The following KRT6A variants were observed in gnomAD, a reference collection of about 807,000 sequenced individuals.
KRT6A encodes the protein keratin 6A.
KRT6A carries 28 observed loss-of-function variants against 48.6 expected under a neutral mutation model. That is an observed-to-expected ratio of 0.58 (90% CI 0.43 to 0.79). The LOEUF (loss-of-function observed/expected upper bound fraction) is 0.79, where lower values mean the gene tolerates loss of function less well. KRT6A is among the 30% of genes least tolerant of loss of function. The pLI is 0.00. For missense variants in KRT6A, 687 were observed against 724.3 expected, an observed-to-expected ratio of 0.95 and a Z score of 0.59; for synonymous variants, 301 against 294.2, an observed-to-expected ratio of 1.02 and a Z score of -0.24.
rs368555326 is a variant in KRT6A, at chr12:52,491,698, T to C, written c.579A>G (p.Thr193=). 1.5e-5 allele frequency: 25 copies of C among 1,613,946 alleles called. No individual in the cohort carries two copies. The highest frequency in any genetic ancestry group is 5.0e-5 in the Admixed American group (3 of 59,916). ...CCTGCTCCTGCAGCAGGGTCCACTT[T>C]GTTTCCAGAACCTTGTTCTGCTGCT... ...FLEQQNKVLE[T]KWTLLQEQGT... The change falls in exon 2 of 9, where the codon ACA becomes ACG. Residue 193 remains threonine, a synonymous_variant. Coordinates refer to ENST00000330722, the MANE Select transcript of KRT6A (RefSeq NM_005554.4).
Position 52,493,101 on chromosome 12 carries a change from G to C in KRT6A, c.88C>G (p.Arg30Gly). 6.2e-7 allele frequency: 1 copy of C among 1,613,950 alleles called. No individual in the cohort carries two copies. The highest frequency in any genetic ancestry group is 8.5e-7 in the Non-Finnish European group (1 of 1,180,046). ...ANSARLPGVS[R>G]SGFSSVSVSR... ...ACGGAGACGCTGCTGAAGCCAGAGC[G>C]GCTGACCCCAGGGAGCCTGGCTGAG... The change falls in exon 1 of 9, where the codon CGC (arginine) becomes GGC (glycine). Residue 30 changes from arginine to glycine, a missense_variant. Arg to Gly is a moderately radical substitution (Grantham distance 125, BLOSUM62 -2). Transcript: ENST00000330722.
chr12:52,488,769 G>A (rs1294922005), intron 6 of KRT6A, among the ~76,000 whole-genome samples: 2 of 152,120 alleles, frequency 1.3e-5, no homozygotes, highest in Non-Finnish European at 2.9e-5. Context: ...CTCTGTGGGA[G>A]AATGTGGATA....
rs1020303730 is a variant in KRT6A at position 52,490,452 on chromosome 12, A to G, written c.1077+117T>C. The stretch of plus-strand genomic sequence containing the variant: ...TGTCTACTCTAATAGTGCAGAGTGC[A>G]TGTCCTGTGAGAGGACCCCAGCTTC... On this transcript the variant is annotated intron_variant, in intron 5 of 8. Transcript: ENST00000330722. 13 of 1,503,162 alleles carry G rather than the reference A, an allele frequency of 8.6e-6. No homozygotes were observed. In the African/African-American group the frequency reaches 1.5e-4, roughly 18 times the overall value. The allele number at this position is 1,503,162 out of a possible 1,614,324, so 93.1% of individuals were successfully genotyped here.
rs1938254149 is a variant in KRT6A at position 52,491,110 on chromosome 12, A to G, written c.816+2T>C. 8 of 1,613,842 alleles carry G rather than the reference A, an allele frequency of 5.0e-6. No homozygotes were observed. The highest frequency in any genetic ancestry group is 6.8e-6 in the Non-Finnish European group (8 of 1,179,828). ...TTTGAACCCCCGGCTTCATCTGCTC[A>G]CCTTCTTCAGAGTCACAAATTCATT... On this transcript the variant is annotated splice_donor_variant, in intron 3 of 8. Transcript: ENST00000330722. LOFTEE classifies it high-confidence loss of function.
Position 52,487,599 on chromosome 12 carries a change from C to A in KRT6A, c.*121G>T. ...AGTGAGGGCACTAAGCATCCATACC[C>A]AGCTCTACCTGGGACAGCAGGGGAG... On this transcript the variant is annotated 3_prime_UTR_variant, in exon 9 of 9. Transcript: ENST00000330722. The A allele has an allele frequency of 1.6e-6, 2 of 1,261,704 alleles. No homozygotes were observed. Among genetic ancestry groups the A allele is most frequent in the Non-Finnish European group, 2.3e-6 (2 of 885,226 alleles). The allele number at this position is 1,261,704 out of a possible 1,614,324, so 78.2% of individuals were successfully genotyped here.
rs557567818 is a variant in KRT6A at position 52,488,668 on chromosome 12, A to T, written c.1204-120T>A. 62 of 1,275,126 alleles carry T rather than the reference A, an allele frequency of 4.9e-5. No individual in the cohort carries two copies. In the South Asian group the frequency reaches 7.1e-4, roughly 15 times the overall value. 79.0% of individuals were successfully genotyped at this position (1,275,126 alleles called of 1,614,324 possible). ...CAGAATTGATGGTGAATGAGCTCTGACTCTTCCTATCTATTGTTTTTTTTT... is the reference window on the plus strand; with the variant it reads ...CAGAATTGATGGTGAATGAGCTCTGTCTCTTCCTATCTATTGTTTTTTTTT... On this transcript the variant is annotated intron_variant, in intron 6 of 8. Coordinates refer to ENST00000330722, the MANE Select transcript of KRT6A (RefSeq NM_005554.4).
At chr12:52,489,920 T>C in intron 6 of KRT6A, 23 bp downstream of exon 6, 1 of 1,614,136 alleles carries the variant, frequency 6.2e-7, no homozygotes, top group Non-Finnish European at 8.5e-7. Flanking sequence ...AATGCTTCTC[T>C]CCTCCATTGT....
At chr12:52,489,838 C>A in intron 6 of KRT6A, 105 bp downstream of exon 6, 2 of 1,584,740 alleles carry the variant, frequency 1.3e-6, no homozygotes, top group South Asian at 2.3e-5. Flanking sequence ...GCCTCCTCTC[C>A]CTGGTTTTGA....
In KRT6A at chr12:52,490,518, T is replaced by G. The variant is rs778619889; in HGVS notation, c.1077+51A>C. 3 of 1,614,060 alleles carry G rather than the reference T, an allele frequency of 1.9e-6. No homozygotes were observed. The African/African-American group carries it at 4.0e-5, about 22-fold the overall frequency. Reference sequence around the variant, plus strand: ...CCCAGTAAAGTCTGCAGTCCTCTGGTATTCAGGGATGGCACAGGGATTCCT... The same window carrying G: ...CCCAGTAAAGTCTGCAGTCCTCTGGGATTCAGGGATGGCACAGGGATTCCT... On this transcript the variant is annotated intron_variant, in intron 5 of 8. Transcript: ENST00000330722.
chr12:52,490,367 G>T (rs1392736508), intron 5 of KRT6A: 14 of 997,282 alleles, frequency 1.4e-5, no homozygotes, highest in African/African-American at 4.8e-5. Context: ...CTTGTCTATG[G>T]TAGCTTTCCT....
chr12:52,492,598 T>G, intron 1 of KRT6A, 51 bp downstream of exon 1: 2 of 1,613,796 alleles, frequency 1.2e-6, no homozygotes, highest in Non-Finnish European at 1.7e-6. Context: ...GTGTTGCTCC[T>G]CTGGTCTGGG....
rs368272363 is a variant in KRT6A at position 52,490,023 on chromosome 12, G to A, written c.1123C>T (p.Arg375Cys). Residue 375 changes from arginine (R) to cysteine (C), a missense_variant, in exon 6 of 9, where the codon CGC becomes TGC. Around this residue, in one of 3 missense-constraint regions of KRT6A, gnomAD observed 566 missense variants for 565.3 expected, o/e 1.00. Transcript: ENST00000330722. ...TCAGCAATCTCCTGCTTGGTGTTGC[G>A]CAGGTCGTCCCCATGTCTGCCTGCT... ...VTAGRHGDDLRNTKQEIAEIN... is the reference protein window; with the variant it reads ...VTAGRHGDDLCNTKQEIAEIN... 7.6e-5 allele frequency: 122 copies of A among 1,613,856 alleles called. No individual in the cohort carries two copies. The highest frequency in any genetic ancestry group is 1.6e-4 in the Middle Eastern group (1 of 6,082).
rs762500774 is a variant in KRT6A, at chr12:52,493,070, C to T, written c.119G>A (p.Arg40His). 70 of 1,613,176 alleles carry T rather than the reference C, an allele frequency of 4.3e-5. No individual in the cohort carries two copies. The highest frequency in any genetic ancestry group is 3.3e-4 in the South Asian group (30 of 91,034). Residue 40 changes from arginine to histidine, a missense_variant, in exon 1 of 9, where the codon CGC (arginine) becomes CAC (histidine). Physicochemically the swap from Arg to His is conservative, Grantham distance 29. Coordinates refer to ENST00000330722, the MANE Select transcript of KRT6A (RefSeq NM_005554.4). Reference protein sequence around the residue: ...RSGFSSVSVSRSRGSGGLGGA... With the variant: ...RSGFSSVSVSHSRGSGGLGGA... Reference sequence around the variant, plus strand: ...ACCCAGGCCACCACTGCCCCTGGAGCGGGACACGGAGACGCTGCTGAAGCC... The same window carrying T: ...ACCCAGGCCACCACTGCCCCTGGAGTGGGACACGGAGACGCTGCTGAAGCC...
rs1938168190 is a variant in KRT6A at position 52,487,636 on chromosome 12, G to A, written c.*84C>T. ...GGACAGCAGGGGAGACTGGAGGCCA[G>A]GAGAGGAAAGGCAACCTGAGGAGAG... is the stretch of plus-strand genomic sequence containing the variant. On this transcript the variant is annotated 3_prime_UTR_variant, in exon 9 of 9. Coordinates refer to ENST00000330722, the MANE Select transcript of KRT6A (RefSeq NM_005554.4). 4.4e-6 allele frequency: 7 copies of A among 1,576,266 alleles called. No individual in the cohort carries two copies. The highest frequency in any genetic ancestry group is 1.7e-5 in the Admixed American group (1 of 58,810).
chr12:52,491,749 C>T lies in KRT6A; in HGVS notation c.541-13G>A. The T allele has an allele frequency of 1.2e-6, 2 of 1,611,768 alleles. No individual in the cohort carries two copies. The highest frequency in any genetic ancestry group is 1.7e-6 in the Non-Finnish European group (2 of 1,177,882). On this transcript the variant is annotated splice_polypyrimidine_tract_variant and intron_variant, in intron 1 of 8. Coordinates refer to ENST00000330722, the MANE Select transcript of KRT6A (RefSeq NM_005554.4). ...CCAGGAACCGCACCTGAAAGAGAGA[C>T]AAGATGATCATTTTCCAGGCAAGGG...
rs1349085796 is a variant in KRT6A, at chr12:52,487,769, A to T, written c.1646T>A (p.Ile549Asn). Residue 549 changes from isoleucine (I) to asparagine (N), a missense_variant, in exon 9 of 9, where the codon ATC becomes AAC. Coordinates refer to ENST00000330722, the MANE Select transcript of KRT6A (RefSeq NM_005554.4). ...LSSVGGGSST[I>N]KYTTTSSSSR... ...GGAGGAGGAGGTGGTGGTGTACTTG[A>T]TGGTGGAACTGCCGCCTCCAACAGA... 1 of 1,614,052 alleles carries T rather than the reference A, an allele frequency of 6.2e-7. No homozygotes were observed. The highest frequency in any genetic ancestry group is 2.2e-5 in the East Asian group (1 of 44,862).
rs372901135 is a variant in KRT6A, at chr12:52,487,694, T to C, written c.*26A>G. On this transcript the variant is annotated 3_prime_UTR_variant, in exon 9 of 9. Transcript: ENST00000330722. The stretch of plus-strand genomic sequence containing the variant: ...CAGCCAGAGAGGGGCCTGAGGACTG[T>C]GGGACCGAGAGCTAGCAGACGCACT... 75 of 1,613,962 alleles carry C rather than the reference T, an allele frequency of 4.6e-5. No individual in the cohort carries two copies. Among genetic ancestry groups the C allele is most frequent in the Non-Finnish European group, 6.0e-5 (71 of 1,180,006 alleles).
chr12:52,492,997 C>T lies in KRT6A; in HGVS notation c.192G>A (p.Leu64=), dbSNP rs1478020755. 2.5e-6 allele frequency: 4 copies of T among 1,611,586 alleles called. No homozygotes were observed. The highest frequency in any genetic ancestry group is 2.2e-5 in the South Asian group (2 of 90,944). Residue 64 remains leucine, a synonymous_variant, in exon 1 of 9, where the codon CTG becomes CTA. Transcript: ENST00000330722. ...CAATGGAGATCCTCTTGGAGCCCCCCAGGCCATACAGACTGCGGCTGCCAA... is the reference window on the plus strand; with the variant it reads ...CAATGGAGATCCTCTTGGAGCCCCCTAGGCCATACAGACTGCGGCTGCCAA... ...AGFGSRSLYG[L]GGSKRISIGG...
chr12:52,490,395 T>A, intron 5 of KRT6A, 174 bp downstream of exon 5: 1 of 1,224,566 alleles, frequency 8.2e-7, no homozygotes, highest in Admixed American at 1.9e-5. Context: ...TGGGTTCTTT[T>A]TCCTTCTTGA....
Sources: allele counts gnomAD v4.1 joint callset (sites outside exome capture counted in the v4.1 genomes callset), GRCh38; gene constraint gnomAD v4.1.1; regional missense constraint gnomAD v4.1.1; transcripts MANE v1.5; gene names NCBI Gene and HGNC (gene_info 2026-07-23, HGNC 2026-07-21).